XIRP2: variants seen among roughly 807,000 people sequenced by gnomAD.
XIRP2 encodes xin actin-binding repeat-containing protein 2.
XIRP2 carries 236 observed loss-of-function variants against 277.0 expected under a neutral mutation model. That is an observed-to-expected ratio of 0.85 (90% CI 0.77 to 0.95). The LOEUF is 0.95. Among genes scored for constraint, XIRP2 ranks in the 40% least tolerant of loss-of-function variants. XIRP2 has a pLI of 0.00. For missense variants in XIRP2, 4,640 were observed against 4,157.5 expected (o/e 1.12, Z -3.19); for synonymous variants, 1,490 against 1,416.5 (o/e 1.05, Z -1.17).
chr2:167,237,973 A>C (rs1022616234), intron 5 of XIRP2, among the ~76,000 whole-genome samples: 6 of 152,182 alleles, frequency 3.9e-5, no homozygotes, highest in Non-Finnish European at 4.4e-5. Flanking sequence ...GGTAGCCTCA[A>C]ATAAAACTTG....
chr2:167,144,790 A>C (rs1042020911), intron 3 of XIRP2, among the ~76,000 whole-genome samples: 1 of 152,168 alleles, frequency 6.6e-6, no homozygotes, highest in Admixed American at 6.5e-5. Context: ...TCAGAATATG[A>C]AGCCAATTGC....
intron 1 of XIRP2, among the ~76,000 whole-genome samples, chr2:166,903,140 A>G (rs553345088): frequency 6.6e-6 from 1 of 152,218 alleles, no homozygotes; most frequent in Admixed American, 6.5e-5. Context: ...CACTGTTCAA[A>G]TTTTATATTT....
chr2:167,169,468 C>T (rs959103830), intron 3 of XIRP2, among the ~76,000 whole-genome samples: 3 of 152,302 alleles, frequency 2.0e-5, no homozygotes, highest in African/African-American at 4.8e-5. Flanking sequence ...AGAGTTTCTG[C>T]ACTGGTAAGT....
chr2:167,054,508 A>T (rs540678727), intron 2 of XIRP2, among the ~76,000 whole-genome samples: 67 of 152,122 alleles, frequency 4.4e-4, no homozygotes, highest in African/African-American at 1.6e-3. Flanking sequence ...ACATGGTGAA[A>T]CCCCATCTCT....
intron 3 of XIRP2, among the ~76,000 whole-genome samples, chr2:167,157,020 T>C (rs10497312): frequency 0.099 from 15,041 of 152,148 alleles, 800 homozygotes; most frequent in South Asian, 0.15. Context: ...AAATCATCCT[T>C]ATACATTTTT....
intron 2 of XIRP2, among the ~76,000 whole-genome samples, chr2:166,931,550 C>T (rs1574088329): frequency 6.6e-6 from 1 of 152,090 alleles, no homozygotes; most frequent in Non-Finnish European, 1.5e-5. Context: ...TATTTTTTCA[C>T]TTAACATATT....
At chr2:167,001,003 T>A (rs1687353156) in intron 2 of XIRP2, among the ~76,000 whole-genome samples, 1 of 152,154 alleles carries the variant, frequency 6.6e-6, no homozygotes. Flanking sequence ...ATTATTATTG[T>A]GCCTGTAAAT....
At position 167,201,128 on chromosome 2, in the gene XIRP2, AAGAGAG is replaced by A. The variant is rs530733596; in HGVS notation, c.563-9596_563-9591del. 2.6e-3 allele frequency among the ~76,000 whole-genome samples: 381 copies of A among 147,268 alleles called. 1 individual carries two copies. Among genetic ancestry groups the A allele is most frequent in the South Asian group, 5.3e-3 (24 of 4,532 alleles). On this transcript the variant is annotated intron_variant, in intron 3 of 10. Transcript: ENST00000409195. ...ACAACAGAGTGAGGCTTTGTCAAGA[AAGAGAG>A]AGAGAGAGAGGGAGGGAGGGAAAGA...
chr2:167,020,978 C>A (rs1485514906), intron 2 of XIRP2, among the ~76,000 whole-genome samples: 1 of 151,976 alleles, frequency 6.6e-6, no homozygotes, highest in Non-Finnish European at 1.5e-5. Context: ...TGGATCTTTG[C>A]GTTGGCAGGG....
In XIRP2 at chr2:167,249,321, C is replaced by T. The variant is rs1695391776; in HGVS notation, c.7929C>T (p.His2643=). The change falls in exon 9 of 11, where the codon CAC becomes CAT. Residue 2643 remains histidine, a synonymous_variant. Coordinates refer to ENST00000409195, the MANE Select transcript of XIRP2 (RefSeq NM_152381.6). ...SPETVAAKRL[H]HVLAASEDKD... is the part of the protein sequence containing the mutation. ...AAACAGTCGCTGCCAAGAGGCTCCACCATGTTTTAGCAGCTTCAGAAGACA... is the reference window on the plus strand; with the variant it reads ...AAACAGTCGCTGCCAAGAGGCTCCATCATGTTTTAGCAGCTTCAGAAGACA... 1.2e-5 allele frequency: 19 copies of T among 1,613,634 alleles called. No individual in the cohort carries two copies. The highest frequency in any genetic ancestry group is 1.6e-5 in the Non-Finnish European group (19 of 1,179,810).
At chr2:166,978,926 C>T (rs1686789786) in intron 2 of XIRP2, among the ~76,000 whole-genome samples, 2 of 152,052 alleles carry the variant, frequency 1.3e-5, no homozygotes, top group South Asian at 2.1e-4. Flanking sequence ...GATCATGCCA[C>T]TGCATTCCAG....
intron 3 of XIRP2, among the ~76,000 whole-genome samples, chr2:167,156,807 C>T (rs1393521628): frequency 6.6e-6 from 1 of 152,044 alleles, no homozygotes; most frequent in Admixed American, 6.6e-5. Context: ...GAGAAGCTGA[C>T]CTATCAACCT....
At chr2:167,209,120 A>G (rs16853217) in intron 3 of XIRP2, among the ~76,000 whole-genome samples, 47,598 of 152,042 alleles carry the variant, frequency 0.31, 8,567 homozygotes, top group African/African-American at 0.5. Context: ...CATAATCAAC[A>G]TTGTACAATC....
chr2:167,121,026 T>C (rs1019800125), intron 2 of XIRP2, among the ~76,000 whole-genome samples: 1 of 152,180 alleles, frequency 6.6e-6, no homozygotes, highest in African/African-American at 2.4e-5. Context: ...GATATTATTG[T>C]GATTTTACAG....
rs200311245 is a variant in XIRP2 at position 167,024,763 on chromosome 2, T to C, written c.409-111146T>C. On this transcript the variant is annotated intron_variant, in intron 2 of 10. Transcript: ENST00000409195. ...TTATATGCTGGATTACATTTACTGATTTGCGTATGTTGAACCAGCCTTGCA... is the reference window on the plus strand; with the variant it reads ...TTATATGCTGGATTACATTTACTGACTTGCGTATGTTGAACCAGCCTTGCA... Among the ~76,000 whole-genome samples, 454 of 152,310 alleles carry C rather than the reference T, an allele frequency of 3.0e-3. 14 individuals carry two copies. In the East Asian group the frequency reaches 0.054, roughly 18 times the overall value.
At chr2:166,971,936 G>A (rs1168677485) in intron 2 of XIRP2, among the ~76,000 whole-genome samples, 5 of 152,136 alleles carry the variant, frequency 3.3e-5, no homozygotes, top group Non-Finnish European at 7.4e-5. Context: ...AGAAAAATAC[G>A]TGAATGAATG....
At chr2:166,965,290 G>T (rs1411973154) in intron 2 of XIRP2, among the ~76,000 whole-genome samples, 1 of 151,820 alleles carries the variant, frequency 6.6e-6, no homozygotes. Context: ...TTCAGGGCTG[G>T]ATTTCTATTG....
In XIRP2 at chr2:167,047,791, T is replaced by G. The variant is rs578188770; in HGVS notation, c.409-88118T>G. On this transcript the variant is annotated intron_variant, in intron 2 of 10. Coordinates refer to ENST00000409195, the MANE Select transcript of XIRP2 (RefSeq NM_152381.6). ...TGGCTTTGAACTATTGTGAATATAA[T>G]TACTCCCTCAAAGCACAGTAACAAA... 2.0e-5 allele frequency among the ~76,000 whole-genome samples: 3 copies of G among 152,046 alleles called. No homozygotes were observed. In the South Asian group the frequency reaches 6.2e-4, roughly 32 times the overall value.
chr2:167,235,547 A>C (rs369679025), intron 5 of XIRP2, among the ~76,000 whole-genome samples: 6 of 151,946 alleles, frequency 3.9e-5, no homozygotes, highest in African/African-American at 1.4e-4. Context: ...GATGCATGTG[A>C]TAGACAGAGT....
Sources: gnomAD v4.1 joint callset for allele counts (sites outside exome capture counted in the v4.1 genomes callset) on GRCh38, gnomAD v4.1.1 for gene constraint, MANE v1.5 for transcripts, NCBI Gene and HGNC (gene_info 2026-07-23, HGNC 2026-07-21) for gene names.